SARS1: variants seen among roughly 807,000 people sequenced by gnomAD.
SARS1 encodes serine--tRNA ligase, cytoplasmic.
Under a neutral mutation model 63.7 loss-of-function variants are expected in SARS1, and 25 were observed. The observed-to-expected ratio is 0.39, with a 90% CI of 0.29 to 0.55. The LOEUF (loss-of-function observed/expected upper bound fraction) is 0.55. SARS1 is among the 20% of genes least tolerant of loss of function. The pLI is 0.62. For synonymous variants in SARS1, 231 were observed against 243.5 expected (o/e 0.95, Z 0.48); for missense variants, 417 against 649.7 (o/e 0.64, Z 3.89).
chr1:109,217,032 C>G, intron 1 of SARS1: 9 of 985,426 alleles, frequency 9.1e-6, no homozygotes, highest in Non-Finnish European at 1.1e-5. Flanking sequence ...AATCTTAACC[C>G]AGTCTCACCA....
chr1:109,217,418 G>A (rs1174174045), intron 1 of SARS1, among the ~76,000 whole-genome samples: 1 of 151,840 alleles, frequency 6.6e-6, no homozygotes, highest in African/African-American at 2.4e-5. Context: ...AGCATTATAA[G>A]TTGGCGATAG....
At chr1:109,231,848 T>C in intron 6 of SARS1, 62 bp downstream of exon 6, 1 of 1,332,972 alleles carries the variant, frequency 7.5e-7, no homozygotes, top group East Asian at 2.7e-5. Flanking sequence ...ACTTCAGTGA[T>C]GCAGAGTGGT....
At chr1:109,217,210 A>G (rs1654810389) in intron 1 of SARS1, 1 of 875,398 alleles carries the variant, frequency 1.1e-6, no homozygotes, top group African/African-American at 1.8e-5. Context: ...AATCCACCAT[A>G]AGTTGAAAAT....
Position 109,237,964 on chromosome 1 carries a change from G to A in SARS1, c.*76G>A, listed in dbSNP as rs1258496060. 52 of 1,532,584 alleles carry A rather than the reference G, an allele frequency of 3.4e-5. No individual in the cohort carries two copies. Among genetic ancestry groups the A allele is most frequent in the Non-Finnish European group, 4.5e-5 (51 of 1,125,024 alleles). The allele number at this position is 1,532,584 out of a possible 1,614,324, so 94.9% of individuals were successfully genotyped here. ...TCAGAGCCTGCCCAACAGCAGGGAA[G>A]CCAAGCACCCATTCATCCCCCTGCC... On this transcript the variant is annotated 3_prime_UTR_variant, in exon 11 of 11. Coordinates refer to ENST00000234677, the MANE Select transcript of SARS1 (RefSeq NM_006513.4). This position sits in a 1 kb window ranked among gnomAD's most constrained non-coding sequence, Gnocchi z 4.1.
chr1:109,214,215 T>G lies in SARS1; in HGVS notation c.136+87T>G, dbSNP rs2101176907. The G allele has an allele frequency of 1.4e-6, 2 of 1,480,454 alleles. No homozygotes were observed. Among genetic ancestry groups the G allele is most frequent in the Non-Finnish European group, 1.8e-6 (2 of 1,092,818 alleles). 91.7% of individuals were successfully genotyped at this position (1,480,454 alleles called of 1,614,324 possible). On this transcript the variant is annotated intron_variant, in intron 1 of 10. Coordinates refer to ENST00000234677, the MANE Select transcript of SARS1 (RefSeq NM_006513.4). The surrounding 1 kb of genome is among the most constrained non-coding windows in gnomAD (Gnocchi z 4.6). ...CAGCCACCGCTCCTGAGGCCACAGC[T>G]TCCACCCTTCGTCAGACCCCCTCCC...
chr1:109,229,434 C>A lies in SARS1; in HGVS notation c.309C>A (p.Ile103=). 6.2e-7 allele frequency: 1 copy of A among 1,614,020 alleles called. No individual in the cohort carries two copies. Among genetic ancestry groups the A allele is most frequent in the Non-Finnish European group, 8.5e-7 (1 of 1,179,984 alleles). The change falls in exon 4 of 11, where the codon ATC becomes ATA. Residue 103 remains isoleucine, a synonymous_variant. Coordinates refer to ENST00000234677, the MANE Select transcript of SARS1 (RefSeq NM_006513.4). ...DALANLKVSQ[I]KKVRLLIDEA... is the part of the protein sequence containing the mutation. ...TGCAGAACCTGAAAGTCTCACAAAT[C>A]AAAAAAGTCCGACTCCTCATTGATG...
At chr1:109,216,586 A>T (rs1179422307) in intron 1 of SARS1, 2 of 984,502 alleles carry the variant, frequency 2.0e-6, no homozygotes, top group African/African-American at 3.5e-5. Flanking sequence ...TGCTATCCTG[A>T]GTGGTTTTTT....
Position 109,234,999 on chromosome 1 carries a change from T to C in SARS1, c.748-211T>C, listed in dbSNP as rs146903032. Among the ~76,000 whole-genome samples the C allele has an allele frequency of 7.6e-4, 115 of 152,230 alleles. 2 individuals are homozygous for C. In the East Asian group the frequency reaches 0.021, roughly 28 times the overall value. On this transcript the variant is annotated intron_variant, in intron 6 of 10. Transcript: ENST00000234677. Reference sequence around the variant, plus strand: ...AAAAAAGATAAGTGGAAAATATTCTTTCCTCTTAATTTACATTTCTTTGAT... The same window carrying C: ...AAAAAAGATAAGTGGAAAATATTCTCTCCTCTTAATTTACATTTCTTTGAT...
chr1:109,220,579 T>G (rs1016739349), intron 1 of SARS1, among the ~76,000 whole-genome samples: 1 of 152,244 alleles, frequency 6.6e-6, no homozygotes, highest in African/African-American at 2.4e-5. Flanking sequence ...TAGTGGTTTG[T>G]AGGAATTATT....
Position 109,230,915 on chromosome 1 carries a change from G to A in SARS1, c.485G>A (p.Cys162Tyr), listed in dbSNP as rs1390648377. 1.2e-6 allele frequency: 2 copies of A among 1,604,332 alleles called. No individual in the cohort carries two copies. Among genetic ancestry groups the A allele is most frequent in the Non-Finnish European group, 1.7e-6 (2 of 1,174,862 alleles). ...AAAGTAGAGAGGATTTGGGGTGATT[G>A]TACAGTCAGGAAGAAGTACTCTCAT... ...DNKVERIWGD[C>Y]TVRKKYSHVD... Residue 162 changes from cysteine to tyrosine, a missense_variant, in exon 5 of 11, where the codon TGT (cysteine) becomes TAT (tyrosine). Physicochemically the swap from Cys to Tyr is radical, Grantham distance 194 (BLOSUM62 -2). Coordinates refer to ENST00000234677, the MANE Select transcript of SARS1 (RefSeq NM_006513.4).
At chr1:109,226,738 ATTTATTTATT>A (rs1256211793) in intron 2 of SARS1, among the ~76,000 whole-genome samples, 2 of 72,904 alleles carry the variant, frequency 2.7e-5, no homozygotes, top group African/African-American at 9.5e-5. Flanking sequence ...ATATATATAT[ATTTATTTATT>A]TATTTATTTA....
chr1:109,228,537 C>G (rs972886173), intron 3 of SARS1, 105 bp downstream of exon 3: 2 of 730,546 alleles, frequency 2.7e-6, no homozygotes, highest in South Asian at 3.4e-5. Flanking sequence ...TTGTGACATC[C>G]TTTCATTTCT....
chr1:109,217,966 C>T (rs1183334109), intron 1 of SARS1, among the ~76,000 whole-genome samples: 2 of 150,728 alleles, frequency 1.3e-5, no homozygotes, highest in Admixed American at 6.6e-5. Context: ...CCGAGGCAGG[C>T]AGATCACAAG....
In SARS1 at chr1:109,235,787, G is replaced by A. The variant is rs988140452; in HGVS notation, c.970-190G>A. ...CTATATGTAAAGCACTCAGAACAGG[G>A]GCTGGCATGCATACGGGAAGCTCGC... On this transcript the variant is annotated intron_variant, in intron 7 of 10. Coordinates refer to ENST00000234677, the MANE Select transcript of SARS1 (RefSeq NM_006513.4). The surrounding 1 kb of genome is among the most constrained non-coding windows in gnomAD (Gnocchi z 4.7). 6.6e-6 allele frequency among the ~76,000 whole-genome samples: 1 copy of A among 152,148 alleles called. No homozygotes were observed. Among genetic ancestry groups the A allele is most frequent in the African/African-American group, 2.4e-5 (1 of 41,416 alleles).
chr1:109,221,994 ATATATATATATATATATTTTTT>A (rs1654944922), intron 1 of SARS1, among the ~76,000 whole-genome samples: 2 of 23,526 alleles, frequency 8.5e-5, no homozygotes, highest in African/African-American at 5.4e-4. Context: ...ATATATATAT[ATATATATATATATATATTTTTT>A]TTTTTTTTTT....
intron 2 of SARS1, among the ~76,000 whole-genome samples, chr1:109,228,059 C>T (rs976321339): frequency 2.0e-5 from 3 of 152,148 alleles, no homozygotes; most frequent in African/African-American, 4.8e-5. Context: ...GATCTATGTA[C>T]AGGGAATGAC....
rs566998209 is a variant in SARS1 at position 109,214,359 on chromosome 1, G to C, written c.136+231G>C. Among the ~76,000 whole-genome samples the C allele has an allele frequency of 2.0e-5, 3 of 152,332 alleles. No individual in the cohort carries two copies. Among genetic ancestry groups the C allele is most frequent in the African/African-American group, 7.2e-5 (3 of 41,578 alleles). ...GTCCCTTCCACGCGTGCTCAGTGCCGTTCGCTGCCAGTGTGCGTACGCACG... is the reference window on the plus strand; with the variant it reads ...GTCCCTTCCACGCGTGCTCAGTGCCCTTCGCTGCCAGTGTGCGTACGCACG... On this transcript the variant is annotated intron_variant, in intron 1 of 10. Coordinates refer to ENST00000234677, the MANE Select transcript of SARS1 (RefSeq NM_006513.4). This position sits in a 1 kb window ranked among gnomAD's most constrained non-coding sequence, Gnocchi z 4.6.
chr1:109,221,116 AGTGGC>A (rs1220833434), intron 1 of SARS1, among the ~76,000 whole-genome samples: 1 of 148,574 alleles, frequency 6.7e-6, no homozygotes, highest in Non-Finnish European at 1.5e-5. Context: ...GCTGGAATGC[AGTGGC>A]GTGACCTCAG....
At chr1:109,216,328 C>T (rs1654784283) in intron 1 of SARS1, 1 of 985,296 alleles carries the variant, frequency 1.0e-6, no homozygotes, top group South Asian at 4.7e-5. Flanking sequence ...TGTAGACTTA[C>T]AAGGTACCAC....
Sources: allele counts gnomAD v4.1 joint callset (sites outside exome capture counted in the v4.1 genomes callset), GRCh38; gene constraint gnomAD v4.1.1; non-coding constraint Gnocchi (gnomAD v3.1); transcripts MANE v1.5; gene names NCBI Gene and HGNC (gene_info 2026-07-23, HGNC 2026-07-21).